Variants in AGBL1 observed in about 807,000 individuals in gnomAD.
The protein encoded by AGBL1 is cytosolic carboxypeptidase 4.
Under a neutral mutation model 118.9 loss-of-function variants are expected in AGBL1, and 130 were observed. The ratio of observed to expected loss-of-function variants is 1.09; its 90% CI spans 0.95 to 1.26. AGBL1 has a LOEUF of 1.26. Among genes scored for constraint, AGBL1 ranks in the 50% most tolerant of loss-of-function variants. The pLI is 0.00. For missense variants in AGBL1, 1,584 were observed against 1,298.1 expected, an observed-to-expected ratio of 1.22 and a Z score of -3.38; for synonymous variants, 555 against 478.9, an observed-to-expected ratio of 1.16 and a Z score of -2.08.
chr15:86,622,056 A>G (rs4887491), intron 21 of AGBL1, among the ~76,000 whole-genome samples: 66,229 of 152,018 alleles, frequency 0.44, 15,380 homozygotes, highest in East Asian at 0.59. Flanking sequence ...AGCCAGGTGT[A>G]GTGGCTCATG....
Position 87,018,764 on chromosome 15 carries a change from A to C in AGBL1, c.3324-10061A>C, listed in dbSNP as rs571957259. ...CTCATGATGACAGGATCAAACTCAC[A>C]TATAACAATACAAAGCTTAAATGTT... On this transcript the variant is annotated intron_variant, in intron 24 of 24. Transcript: ENST00000441037. Among the ~76,000 whole-genome samples, 18 of 152,326 alleles carry C rather than the reference A, an allele frequency of 1.2e-4. No individual in the cohort carries two copies. The East Asian group carries it at 3.5e-3, about 29-fold the overall frequency.
At chr15:86,130,082 G>A (rs2076800016) in intron 1 of AGBL1, among the ~76,000 whole-genome samples, 1 of 152,086 alleles carries the variant, frequency 6.6e-6, no homozygotes, top group African/African-American at 2.4e-5. Flanking sequence ...AGGGGAAAGG[G>A]CAGGGATCTT....
chr15:86,248,513 A>G (rs2078757592), intron 7 of AGBL1, among the ~76,000 whole-genome samples: 2 of 152,308 alleles, frequency 1.3e-5, no homozygotes, highest in South Asian at 2.1e-4. Flanking sequence ...AAGTCACTCA[A>G]CTTCTCTGGG....
chr15:86,749,571 G>C (rs981980470), intron 22 of AGBL1, among the ~76,000 whole-genome samples: 2 of 152,096 alleles, frequency 1.3e-5, no homozygotes, highest in Non-Finnish European at 2.9e-5. Context: ...GTGAGAGAGG[G>C]CATCCCTGTC....
chr15:87,023,440 G>A (rs117473864), intron 24 of AGBL1, among the ~76,000 whole-genome samples: 4,369 of 152,016 alleles, frequency 0.029, 88 homozygotes, highest in Middle Eastern at 0.058. Flanking sequence ...TCTCAATCCT[G>A]AATGTATATG....
intron 21 of AGBL1, among the ~76,000 whole-genome samples, chr15:86,575,763 GA>G (rs1176097699): frequency 3.3e-5 from 5 of 150,778 alleles, no homozygotes; most frequent in South Asian, 2.1e-4. Flanking sequence ...CTTATTTATT[GA>G]AAAAAAAATT....
chr15:86,250,206 T>C (rs1005180659), intron 7 of AGBL1, among the ~76,000 whole-genome samples: 1 of 151,940 alleles, frequency 6.6e-6, no homozygotes, highest in Non-Finnish European at 1.5e-5. Flanking sequence ...CCACCACCAC[T>C]CGCCCTTGCT....
At position 86,615,203 on chromosome 15, in the gene AGBL1, C is replaced by T. The variant is rs905421734; in HGVS notation, c.2995-59070C>T. Among the ~76,000 whole-genome samples the T allele has an allele frequency of 1.3e-5, 2 of 152,096 alleles. No homozygotes were observed. The highest frequency in any genetic ancestry group is 1.9e-4 in the East Asian group (1 of 5,180). Reference sequence around the variant, plus strand: ...TTTGCCTTCCAGATGCCTCTGCCAGCAATGCGGGAGATTAATTCTAGCATT... The same window carrying T: ...TTTGCCTTCCAGATGCCTCTGCCAGTAATGCGGGAGATTAATTCTAGCATT... On this transcript the variant is annotated intron_variant, in intron 21 of 22. Transcript: ENST00000614907. The surrounding 1 kb of genome is among the most constrained non-coding windows in gnomAD (Gnocchi z 4.3).
At chr15:86,753,931 C>T (rs1200071628) in intron 22 of AGBL1, among the ~76,000 whole-genome samples, 1 of 152,054 alleles carries the variant, frequency 6.6e-6, no homozygotes, top group Non-Finnish European at 1.5e-5. Context: ...GAGAGTAGGG[C>T]CACTGTACTT....
At chr15:86,774,762 G>A (rs1423202585) in intron 22 of AGBL1, among the ~76,000 whole-genome samples, 8 of 152,048 alleles carry the variant, frequency 5.3e-5, no homozygotes, top group African/African-American at 1.9e-4. Context: ...TCAAGGCCAG[G>A]AGACACAAGC....
intron 20 of AGBL1, among the ~76,000 whole-genome samples, chr15:86,552,419 G>A (rs2083676473): frequency 6.6e-6 from 1 of 152,180 alleles, no homozygotes; most frequent in Non-Finnish European, 1.5e-5. Context: ...GTAAACTTTT[G>A]CGACATGGTA....
chr15:86,710,421 C>G (rs1567134279), intron 22 of AGBL1, among the ~76,000 whole-genome samples: 1 of 152,006 alleles, frequency 6.6e-6, no homozygotes, highest in Non-Finnish European at 1.5e-5. Flanking sequence ...TGACTGTGAA[C>G]CAAGGTAGTT....
intron 22 of AGBL1, among the ~76,000 whole-genome samples, chr15:86,692,265 A>C (rs1169520427): frequency 6.6e-6 from 1 of 152,056 alleles, no homozygotes; most frequent in Non-Finnish European, 1.5e-5. Context: ...ACATCCTAGC[A>C]TCAAGCAGAT....
chr15:86,704,095 A>G (rs557311340), intron 22 of AGBL1, among the ~76,000 whole-genome samples: 1 of 152,300 alleles, frequency 6.6e-6, no homozygotes, highest in East Asian at 1.9e-4. Flanking sequence ...ATATGCAGAA[A>G]ACTGAAACTG....
intron 6 of AGBL1, among the ~76,000 whole-genome samples, chr15:86,247,266 TCCCTTTAG>T (rs1462710350): frequency 3.0e-4 from 45 of 152,248 alleles, no homozygotes; most frequent in South Asian, 2.1e-3. Context: ...TCTTTTTATT[TCCCTTTAG>T]CCTCATGTTT....
intron 22 of AGBL1, among the ~76,000 whole-genome samples, chr15:86,772,293 T>C (rs186412910): frequency 6.6e-6 from 1 of 152,190 alleles, no homozygotes; most frequent in Admixed American, 6.6e-5. Context: ...ACAGTAGCTG[T>C]TATAGAAATG....
chr15:86,438,046 C>T (rs1451124370), intron 18 of AGBL1, among the ~76,000 whole-genome samples: 1 of 152,110 alleles, frequency 6.6e-6, no homozygotes, highest in African/African-American at 2.4e-5. Flanking sequence ...GCTGGGATTA[C>T]AGATGCGTGC....
chr15:86,894,436 C>A lies in AGBL1; in HGVS notation c.3159-12651C>A, dbSNP rs146029245. Among the ~76,000 whole-genome samples the A allele has an allele frequency of 8.4e-3, 1,272 of 152,190 alleles. 9 individuals are homozygous for A. The highest frequency in any genetic ancestry group is 0.017 in the Middle Eastern group (5 of 294). ...CTGAGCTGCAGAGAGAGCAACTCTGCATGACGTTGGAGCTTTATTTTAGAA... is the reference window on the plus strand; with the variant it reads ...CTGAGCTGCAGAGAGAGCAACTCTGAATGACGTTGGAGCTTTATTTTAGAA... On this transcript the variant is annotated intron_variant, in intron 22 of 22. Transcript: ENST00000614907.
intron 24 of AGBL1, among the ~76,000 whole-genome samples, chr15:87,012,644 T>G (rs1014025100): frequency 6.6e-6 from 1 of 152,022 alleles, no homozygotes; most frequent in Non-Finnish European, 1.5e-5. Context: ...GTATTGGTGT[T>G]AAATGGAGGA....
Sources: allele counts gnomAD v4.1 joint callset (sites outside exome capture counted in the v4.1 genomes callset), GRCh38; gene constraint gnomAD v4.1.1; non-coding constraint Gnocchi (gnomAD v3.1); transcripts MANE v1.5; gene names NCBI Gene and HGNC (gene_info 2026-07-23, HGNC 2026-07-21).